ZNF662: variants seen among roughly 807,000 people sequenced by gnomAD.
ZNF662 encodes zinc finger protein 662.
In ZNF662, 14 loss-of-function variants were observed where a neutral mutation model predicts 12.4. The observed-to-expected ratio is 1.13, with a 90% CI of 0.75 to 1.77. The LOEUF is 1.77. Ranked by LOEUF, ZNF662 falls within the 40% of genes most tolerant of loss-of-function variation. ZNF662 has a pLI of 0.00. For synonymous variants in ZNF662, 184 were observed against 176.4 expected, an observed-to-expected ratio of 1.04 and a Z score of -0.34; for missense variants, 550 against 515.6, an observed-to-expected ratio of 1.07 and a Z score of -0.65.
In ZNF662 at chr3:42,916,700, A is replaced by G. The variant is rs2088899840; in HGVS notation, c.*1346A>G. 1 of 152,056 alleles carries G rather than the reference A, an allele frequency of 6.6e-6. No individual in the cohort carries two copies. The highest frequency in any genetic ancestry group is 1.5e-5 in the Non-Finnish European group (1 of 68,010). 9.4% of individuals were successfully genotyped at this position (152,056 alleles called of 1,614,324 possible). On this transcript the variant is annotated 3_prime_UTR_variant, in exon 5 of 5. Coordinates refer to ENST00000440367, the MANE Select transcript of ZNF662 (RefSeq NM_207404.4). ...TAAGAGACCTCATTGCCTTTGTTTTATGAGATATCATTCTGGGATTGGGAA... is the reference window on the plus strand; with the variant it reads ...TAAGAGACCTCATTGCCTTTGTTTTGTGAGATATCATTCTGGGATTGGGAA...
At position 42,912,663 on chromosome 3, in the gene ZNF662, TATA is replaced by T. The variant is rs1442337821; in HGVS notation, c.152-537_152-535del. ...TTTTATATATATATAAATATATATA[TATA>T]TTTTTTATATATATAAATATATATA... On this transcript the variant is annotated intron_variant, in intron 3 of 4. Coordinates refer to ENST00000440367, the MANE Select transcript of ZNF662 (RefSeq NM_207404.4). 7.0e-4 allele frequency among the ~76,000 whole-genome samples: 40 copies of T among 57,094 alleles called. 1 individual carries two copies. Among genetic ancestry groups the T allele is most frequent in the African/African-American group, 1.8e-3 (33 of 18,468 alleles). 37.5% of individuals were successfully genotyped at this position (57,094 alleles called of 152,430 possible). A position where few individuals can be genotyped will look rare whatever the true frequency, so the allele number is the denominator to read the frequency against.
chr3:42,913,089 C>G, intron 3 of ZNF662, 112 bp from the exon 4 acceptor site: 1 of 729,300 alleles, frequency 1.4e-6, no homozygotes, highest in Non-Finnish European at 2.4e-6. Context: ...TCTATGTTAC[C>G]AATCTTTTCA....
In ZNF662 at chr3:42,906,494, G is replaced by C. The variant is rs2088680791; in HGVS notation, c.-94+326G>C. The C allele has an allele frequency of 7.3e-7, 1 of 1,372,392 alleles. No homozygotes were observed. The highest frequency in any genetic ancestry group is 9.4e-7 in the Non-Finnish European group (1 of 1,061,076). The allele number at this position is 1,372,392 out of a possible 1,614,324, so 85.0% of individuals were successfully genotyped here. On this transcript the variant is annotated intron_variant, in intron 1 of 4. Coordinates refer to ENST00000440367, the MANE Select transcript of ZNF662 (RefSeq NM_207404.4). The surrounding 1 kb of genome is among the most constrained non-coding windows in gnomAD (Gnocchi z 4.4). ...AGTCTTGGCCCTGCCCTGGGTTCTA[G>C]GCCCGGAGACGGGGTGGTGCGGCGG...
Position 42,913,221 on chromosome 3 carries a change from G to A in ZNF662, c.172G>A (p.Ala58Thr). ...ISSGYPFLKPAGISHPEQVEE... is the reference protein window; with the variant it reads ...ISSGYPFLKPTGISHPEQVEE... ...GGCAGGATATCCATTTCTAAAGCCT[G>A]CTGGGATTTCCCATCCTGAGCAGGT... Residue 58 changes from alanine (A) to threonine (T), a missense_variant, in exon 4 of 5, where the codon GCT becomes ACT. By Grantham distance (58) the Ala-to-Thr change is moderately conservative. Transcript: ENST00000440367. The A allele has an allele frequency of 6.2e-7, 1 of 1,613,900 alleles. No homozygotes were observed. The highest frequency in any genetic ancestry group is 1.1e-5 in the South Asian group (1 of 91,062).
chr3:42,910,050 C>T (rs2088760866), intron 3 of ZNF662, among the ~76,000 whole-genome samples: 2 of 152,196 alleles, frequency 1.3e-5, no homozygotes, highest in Non-Finnish European at 2.9e-5. Flanking sequence ...CACTGCACTC[C>T]AGCCTGGGCA....
chr3:42,908,245 A>G, intron 2 of ZNF662, 97 bp downstream of exon 2: 3 of 1,496,294 alleles, frequency 2.0e-6, no homozygotes, highest in Non-Finnish European at 2.7e-6. Context: ...CCCTCAGCTC[A>G]ATGGCAGCTT....
chr3:42,913,377 C>T (rs1013219920), intron 4 of ZNF662, 75 bp downstream of exon 4: 2 of 1,234,560 alleles, frequency 1.6e-6, no homozygotes, highest in Non-Finnish European at 2.4e-6. Context: ...ATGTAAAAGT[C>T]CATTTTGCCA....
chr3:42,914,567 C>T lies in ZNF662; in HGVS notation c.494C>T (p.Ser165Leu). The T allele has an allele frequency of 6.2e-7, 1 of 1,614,104 alleles. No homozygotes were observed. The highest frequency in any genetic ancestry group is 8.5e-7 in the Non-Finnish European group (1 of 1,180,014). ...GTGATTGTCAAGGATGAGATGATCTCAGTAGAAGAGAGTTCAGGGAATACT... is the reference window on the plus strand; with the variant it reads ...GTGATTGTCAAGGATGAGATGATCTTAGTAGAAGAGAGTTCAGGGAATACT... ...IEVIVKDEMI[S>L]VEESSGNTDV... is the part of the protein sequence containing the mutation. The change falls in exon 5 of 5, where the codon TCA (serine) becomes TTA (leucine). Residue 165 changes from serine (S) to leucine (L), a missense_variant. Physicochemically the swap from Ser to Leu is moderately radical, Grantham distance 145 (BLOSUM62 -2). Transcript: ENST00000440367.
rs1193501147 is a variant in ZNF662 at position 42,915,073 on chromosome 3, T to C, written c.1000T>C (p.Cys334Arg). Residue 334 changes from cysteine (C) to arginine (R), a missense_variant, in exon 5 of 5, where the codon TGT becomes CGT. Cys to Arg is a radical substitution (Grantham distance 180). Transcript: ENST00000440367. ...RMHTGEKPYE[C>R]KDCGKGFMWN... is the part of the protein sequence containing the mutation. The stretch of plus-strand genomic sequence containing the variant: ...GCACACTGGGGAGAAGCCTTACGAA[T>C]GTAAGGACTGTGGGAAGGGCTTCAT... The C allele has an allele frequency of 6.2e-7, 1 of 1,614,160 alleles. No homozygotes were observed. The highest frequency in any genetic ancestry group is 8.5e-7 in the Non-Finnish European group (1 of 1,180,026).
In ZNF662 at chr3:42,917,178, C is replaced by T. The variant is rs2088903773; in HGVS notation, c.*1824C>T. On this transcript the variant is annotated 3_prime_UTR_variant, in exon 5 of 5. Coordinates refer to ENST00000440367, the MANE Select transcript of ZNF662 (RefSeq NM_207404.4). ...TCCCCTTCTCTCTGGGAACAGTTAC[C>T]CGGGTATTCTTTGGGAAGCTATCCT... 3.1e-6 allele frequency: 1 copy of T among 319,744 alleles called. No homozygotes were observed. Among genetic ancestry groups the T allele is most frequent in the Non-Finnish European group, 5.6e-6 (1 of 178,128 alleles). The allele number at this position is 319,744 out of a possible 1,614,324, so 19.8% of individuals were successfully genotyped here.
rs1184285139 is a variant in ZNF662, at chr3:42,915,402, C to A, written c.*48C>A. On this transcript the variant is annotated 3_prime_UTR_variant, in exon 5 of 5. Coordinates refer to ENST00000440367, the MANE Select transcript of ZNF662 (RefSeq NM_207404.4). ...GTTTATAATTCTTATGCTGCAGGAA[C>A]CCTAGAGACAAAATGAGATGACCAT... is the stretch of plus-strand genomic sequence containing the variant. 6.7e-7 allele frequency: 1 copy of A among 1,496,854 alleles called. No homozygotes were observed. The highest frequency in any genetic ancestry group is 2.3e-5 in the East Asian group (1 of 44,038). 92.7% of individuals were successfully genotyped at this position (1,496,854 alleles called of 1,614,324 possible).
rs1327575662 is a variant in ZNF662, at chr3:42,915,699, TAGTA to T, written c.*349_*352del. ...TAAAACTCATTCAGGGTTGCTCAGT[TAGTA>T]AGTTATAGAGTTGAAATTGGAGCCA... On this transcript the variant is annotated 3_prime_UTR_variant, in exon 5 of 5. Transcript: ENST00000440367. The T allele has an allele frequency of 6.5e-5, 13 of 201,394 alleles. No individual in the cohort carries two copies. Among genetic ancestry groups the T allele is most frequent in the Non-Finnish European group, 1.3e-4 (13 of 98,100 alleles). 12.5% of individuals were successfully genotyped at this position (201,394 alleles called of 1,614,324 possible).
chr3:42,906,221 C>G lies in ZNF662; in HGVS notation c.-94+53C>G. On this transcript the variant is annotated intron_variant, in intron 1 of 4. Coordinates refer to ENST00000440367, the MANE Select transcript of ZNF662 (RefSeq NM_207404.4). This position sits in a 1 kb window ranked among gnomAD's most constrained non-coding sequence, Gnocchi z 4.4. Reference sequence around the variant, plus strand: ...GGCGGGCAGGGAGTGGAGTCGGGGTCTTACTCCGGTGGCTGCAGGGCGCAG... The same window carrying G: ...GGCGGGCAGGGAGTGGAGTCGGGGTGTTACTCCGGTGGCTGCAGGGCGCAG... The G allele has an allele frequency of 1.3e-6, 1 of 781,792 alleles. No individual in the cohort carries two copies. The highest frequency in any genetic ancestry group is 3.3e-5 in the East Asian group (1 of 30,354). The allele number at this position is 781,792 out of a possible 1,614,324, so 48.4% of individuals were successfully genotyped here.
intron 3 of ZNF662, chr3:42,912,114 C>A (rs964752163): frequency 6.8e-6 from 1 of 146,712 alleles, no homozygotes; most frequent in Non-Finnish European, 1.5e-5. Context: ...GGAATTACAA[C>A]TTCTCTGTTC....
At chr3:42,908,760 C>A in intron 2 of ZNF662, 33 bp from the exon 3 acceptor site, 1 of 1,603,122 alleles carries the variant, frequency 6.2e-7, no homozygotes, top group Non-Finnish European at 8.5e-7. Flanking sequence ...TGCCATGCCA[C>A]TCACCTGCCT....
Position 42,915,045 on chromosome 3 carries a change from A to G in ZNF662, c.972A>G (p.Arg324=). Residue 324 remains arginine (R), a synonymous_variant, in exon 5 of 5, where the codon AGA becomes AGG. Coordinates refer to ENST00000440367, the MANE Select transcript of ZNF662 (RefSeq NM_207404.4). ...ACCCAGCCCTTCTTCGACATCAGAG[A>G]ATGCACACTGGGGAGAAGCCTTACG... The part of the protein sequence containing the change: ...TRNPALLRHQ[R]MHTGEKPYEC... 6.2e-7 allele frequency: 1 copy of G among 1,614,058 alleles called. No homozygotes were observed. The highest frequency in any genetic ancestry group is 8.5e-7 in the Non-Finnish European group (1 of 1,180,016).
chr3:42,906,218 G>A lies in ZNF662; in HGVS notation c.-94+50G>A. 1.4e-6 allele frequency: 1 copy of A among 733,962 alleles called. No homozygotes were observed. Among genetic ancestry groups the A allele is most frequent in the Non-Finnish European group, 2.1e-6 (1 of 476,276 alleles). 45.5% of individuals were successfully genotyped at this position (733,962 alleles called of 1,614,324 possible). Reference sequence around the variant, plus strand: ...TGGGGCGGGCAGGGAGTGGAGTCGGGGTCTTACTCCGGTGGCTGCAGGGCG... The same window carrying A: ...TGGGGCGGGCAGGGAGTGGAGTCGGAGTCTTACTCCGGTGGCTGCAGGGCG... On this transcript the variant is annotated intron_variant, in intron 1 of 4. Transcript: ENST00000440367. The surrounding 1 kb of genome is among the most constrained non-coding windows in gnomAD (Gnocchi z 4.4).
At chr3:42,912,722 T>A (rs1425853384) in intron 3 of ZNF662, among the ~76,000 whole-genome samples, 5 of 112,432 alleles carry the variant, frequency 4.4e-5, no homozygotes, top group African/African-American at 7.2e-5. Context: ...ATATATATAT[T>A]TTTTATATAT....
chr3:42,906,353 T>C lies in ZNF662; in HGVS notation c.-94+185T>C, dbSNP rs1450446163. The C allele has an allele frequency of 6.5e-7, 1 of 1,528,282 alleles. No homozygotes were observed. Among genetic ancestry groups the C allele is most frequent in the Admixed American group, 2.0e-5 (1 of 50,316 alleles). 94.7% of individuals were successfully genotyped at this position (1,528,282 alleles called of 1,614,324 possible). On this transcript the variant is annotated intron_variant, in intron 1 of 4. Transcript: ENST00000440367. This position sits in a 1 kb window ranked among gnomAD's most constrained non-coding sequence, Gnocchi z 4.4. Reference sequence around the variant, plus strand: ...CTTTCCCAGAGGGCGACCTGGGCTATGGCGGCCGTGGCGCTGGCGAGCGGG... The same window carrying C: ...CTTTCCCAGAGGGCGACCTGGGCTACGGCGGCCGTGGCGCTGGCGAGCGGG...
Sources: allele counts gnomAD v4.1 joint callset (sites outside exome capture counted in the v4.1 genomes callset), GRCh38; gene constraint gnomAD v4.1.1; non-coding constraint Gnocchi (gnomAD v3.1); transcripts MANE v1.5; gene names NCBI Gene and HGNC (gene_info 2026-07-23, HGNC 2026-07-21).